Variants in PTPRM observed in about 807,000 individuals in gnomAD.
PTPRM encodes protein tyrosine phosphatase receptor type M, also known as receptor-type tyrosine-protein phosphatase mu.
Under a neutral mutation model 186.7 loss-of-function variants are expected in PTPRM, and 47 were observed. The ratio of observed to expected loss-of-function variants is 0.25; its 90% CI spans 0.20 to 0.32. The LOEUF is 0.32. Among genes scored for constraint, PTPRM ranks in the 10% least tolerant of loss-of-function variants. The pLI is 1.00. For synonymous variants in PTPRM, 668 were observed against 674.9 expected, an observed-to-expected ratio of 0.99 and a Z score of 0.16; for missense variants, 1,494 against 1,865.0, an observed-to-expected ratio of 0.80 and a Z score of 3.66.
At chr18:7,754,703 G>A (rs747702430) in intron 1 of PTPRM, 4 of 152,236 alleles carry the variant, frequency 2.6e-5, no homozygotes, top group Non-Finnish European at 5.9e-5. Flanking sequence ...CAAGAAATAA[G>A]CATCAGGAGT....
chr18:7,946,448 C>G (rs2052529377), intron 5 of PTPRM, among the ~76,000 whole-genome samples: 2 of 152,032 alleles, frequency 1.3e-5, no homozygotes, highest in Admixed American at 6.6e-5. Context: ...TTTCTTTTCC[C>G]TTCAAAAACC....
At chr18:7,677,712 GC>G (rs2039378832) in intron 1 of PTPRM, among the ~76,000 whole-genome samples, 2 of 152,030 alleles carry the variant, frequency 1.3e-5, no homozygotes, top group Non-Finnish European at 2.9e-5. Context: ...CCCCTCTGGA[GC>G]CCGTTCCTGC....
chr18:8,093,815 G>T (rs2090879526), intron 11 of PTPRM, among the ~76,000 whole-genome samples: 1 of 152,070 alleles, frequency 6.6e-6, no homozygotes, highest in Non-Finnish European at 1.5e-5. Context: ...TAAACACTTG[G>T]CAACATAGTA....
intron 7 of PTPRM, among the ~76,000 whole-genome samples, chr18:8,034,012 C>A (rs2086168487): frequency 6.6e-6 from 1 of 151,990 alleles, no homozygotes; most frequent in Non-Finnish European, 1.5e-5. Context: ...CTTCATGTGG[C>A]CTTCACTTCA....
intron 1 of PTPRM, among the ~76,000 whole-genome samples, chr18:7,696,796 A>G (rs2039855013): frequency 6.6e-6 from 1 of 152,216 alleles, no homozygotes; most frequent in Admixed American, 6.5e-5. Context: ...TAACACATCA[A>G]ACTTGACTAC....
chr18:7,660,886 G>A lies in PTPRM; in HGVS notation c.73+92995G>A, dbSNP rs541198135. ...CTCAGGAGGCTGATGCAGGAGAATC[G>A]CTTGAACCTGGGAGATGGAGGTTGC... On this transcript the variant is annotated intron_variant, in intron 1 of 32. Transcript: ENST00000580170. 3.3e-5 allele frequency among the ~76,000 whole-genome samples: 5 copies of A among 152,118 alleles called. No individual in the cohort carries two copies. In the South Asian group the frequency reaches 1.0e-3, roughly 32 times the overall value.
At chr18:8,001,288 A>G (rs2083858554) in intron 7 of PTPRM, among the ~76,000 whole-genome samples, 1 of 152,190 alleles carries the variant, frequency 6.6e-6, no homozygotes, top group Non-Finnish European at 1.5e-5. Context: ...CGTAAACTCC[A>G]GGATGGAGCC....
intron 1 of PTPRM, among the ~76,000 whole-genome samples, chr18:7,593,068 A>G (rs2037167681): frequency 6.6e-6 from 1 of 152,218 alleles, no homozygotes; most frequent in Non-Finnish European, 1.5e-5. Context: ...TTAAATATAT[A>G]GGATATTTTC....
chr18:8,228,677 T>TTAA (rs2094245437), intron 14 of PTPRM, among the ~76,000 whole-genome samples: 7 of 130,608 alleles, frequency 5.4e-5, no homozygotes, highest in Non-Finnish European at 1.6e-5. Context: ...CAAACTCTAC[T>TTAA]AAAAAAAAAA....
At chr18:7,865,660 T>C (rs1432982750) in intron 2 of PTPRM, among the ~76,000 whole-genome samples, 1 of 152,206 alleles carries the variant, frequency 6.6e-6, no homozygotes, top group Non-Finnish European at 1.5e-5. Context: ...TTTTGTTGTG[T>C]CTCTGCGAGG....
At chr18:7,700,539 A>G (rs2039937508) in intron 1 of PTPRM, among the ~76,000 whole-genome samples, 1 of 152,198 alleles carries the variant, frequency 6.6e-6, no homozygotes, top group Non-Finnish European at 1.5e-5. Flanking sequence ...TTTTTCCTCT[A>G]ATTATTCTAG....
At chr18:7,850,799 C>G (rs374733418) in intron 2 of PTPRM, among the ~76,000 whole-genome samples, 74 of 152,292 alleles carry the variant, frequency 4.9e-4, no homozygotes, top group African/African-American at 1.6e-3. Flanking sequence ...ATTTTCTCTA[C>G]AAGTTTTTAT....
In PTPRM at chr18:7,780,746, A is replaced by T. The variant is rs77252547; in HGVS notation, c.196+6475A>T. Among the ~76,000 whole-genome samples, 1,147 of 152,264 alleles carry T rather than the reference A, an allele frequency of 7.5e-3. 17 individuals carry two copies. The highest frequency in any genetic ancestry group is 0.025 in the African/African-American group (1,052 of 41,552). On this transcript the variant is annotated intron_variant, in intron 2 of 32. Transcript: ENST00000580170. ...ATAGACTGTCATGGTGGGAAGTGCC[A>T]AGAGTGCTGAAGAGGAATCAGGATA...
intron 2 of PTPRM, among the ~76,000 whole-genome samples, chr18:7,832,221 G>A (rs1487831543): frequency 6.6e-6 from 1 of 152,150 alleles, no homozygotes; most frequent in Non-Finnish European, 1.5e-5. Flanking sequence ...CGAAGTGCTA[G>A]TACTAATTTA....
At chr18:8,291,489 A>G (rs1313821438) in intron 19 of PTPRM, among the ~76,000 whole-genome samples, 2 of 152,192 alleles carry the variant, frequency 1.3e-5, no homozygotes, top group Non-Finnish European at 2.9e-5. Flanking sequence ...TCTACAATAT[A>G]AATTATTTGG....
intron 1 of PTPRM, among the ~76,000 whole-genome samples, chr18:7,715,543 A>T (rs569739761): frequency 1.3e-5 from 2 of 152,304 alleles, no homozygotes; most frequent in East Asian, 3.9e-4. Context: ...AGGGTATTCA[A>T]ATAGGAAGAG....
At chr18:8,073,034 G>T (rs1049222106) in intron 8 of PTPRM, among the ~76,000 whole-genome samples, 6 of 152,040 alleles carry the variant, frequency 3.9e-5, no homozygotes, top group Non-Finnish European at 8.8e-5. Context: ...ATTCTAATAA[G>T]TCCATCCTTC....
At chr18:8,194,266 G>T (rs1039653568) in intron 14 of PTPRM, among the ~76,000 whole-genome samples, 12 of 152,150 alleles carry the variant, frequency 7.9e-5, no homozygotes, top group Non-Finnish European at 1.6e-4. Flanking sequence ...TCAAAAGCTG[G>T]TTGTATCCAT....
In PTPRM at chr18:8,390,170, C is replaced by T. The variant is rs147431222; in HGVS notation, c.4208+2935C>T. ...ACAGTCCAGGGACAGATCCGTACCTCAGCGTCATCTGACTTACAACAAAGA... is the reference window on the plus strand; with the variant it reads ...ACAGTCCAGGGACAGATCCGTACCTTAGCGTCATCTGACTTACAACAAAGA... On this transcript the variant is annotated intron_variant, in intron 31 of 32. Transcript: ENST00000580170. Among the ~76,000 whole-genome samples, 538 of 152,330 alleles carry T rather than the reference C, an allele frequency of 3.5e-3. 2 individuals are homozygous for T. The highest frequency in any genetic ancestry group is 8.3e-3 in the South Asian group (40 of 4,828).
Sources: allele counts gnomAD v4.1 joint callset (sites outside exome capture counted in the v4.1 genomes callset), GRCh38; gene constraint gnomAD v4.1.1; transcripts MANE v1.5; gene names NCBI Gene and HGNC (gene_info 2026-07-23, HGNC 2026-07-21).